Variants in SPRY3 observed in about 807,000 individuals in gnomAD.
SPRY3 encodes the protein protein sprouty homolog 3.
SPRY3 carries 15 observed loss-of-function variants against 20.2 expected under a neutral mutation model. The ratio of observed to expected loss-of-function variants is 0.74; its 90% CI spans 0.50 to 1.14. SPRY3 has a LOEUF of 1.14. Among genes scored for constraint, SPRY3 ranks in the 50% most tolerant of loss-of-function variants. The pLI is 0.00. For synonymous variants in SPRY3, 143 were observed against 136.5 expected (o/e 1.05, Z -0.33); for missense variants, 364 against 363.9 (o/e 1.00, Z 0.00).
At chrX:155,613,016 C>G (rs781956008) in intron 1 of SPRY3, 1 of 112,425 alleles carries the variant, frequency 8.9e-6, no homozygotes, top group African/African-American at 3.2e-5. Context: ...GGGACTTCGC[C>G]CGGTGCTAGG....
At chrX:155,751,932 A>G (rs2091264273) in intron 2 of SPRY3, among the ~76,000 whole-genome samples, 1 of 32,680 alleles carries the variant, frequency 3.1e-5, no homozygotes, top group Admixed American at 3.4e-4. Flanking sequence ...GGGAAATAAA[A>G]TAAAATAAAA....
intron 2 of SPRY3, among the ~76,000 whole-genome samples, chrX:155,725,028 AG>A (rs1455753419): frequency 1.3e-5 from 2 of 152,290 alleles, no homozygotes; most frequent in East Asian, 1.9e-4. Context: ...TTTAGCATGA[AG>A]GGCTGTTGAA....
At chrX:155,642,911 A>G (rs1390614499) in intron 1 of SPRY3, among the ~76,000 whole-genome samples, 4 of 111,856 alleles carry the variant, frequency 3.6e-5, no homozygotes, top group African/African-American at 6.5e-5. Context: ...TTTATCTTTG[A>G]TAATGTCCCA....
chrX:155,764,038 G>A (rs2091314763), intron 2 of SPRY3, among the ~76,000 whole-genome samples: 1 of 152,122 alleles, frequency 6.6e-6, no homozygotes, highest in Non-Finnish European at 1.5e-5. Context: ...TGTCCTTCAA[G>A]GTTACTTATT....
At chrX:155,648,517 G>A (rs1557352059) in intron 1 of SPRY3, among the ~76,000 whole-genome samples, 1 of 112,442 alleles carries the variant, frequency 8.9e-6, no homozygotes, top group Non-Finnish European at 1.9e-5. Flanking sequence ...TTCTGCATAT[G>A]GCTAGCCAGT....
chrX:155,732,427 A>G (rs2091139363), intron 2 of SPRY3, among the ~76,000 whole-genome samples: 2 of 152,064 alleles, frequency 1.3e-5, no homozygotes, highest in South Asian at 4.1e-4. Context: ...TGATCATTAG[A>G]GAAATGCAAA....
chrX:155,774,309 C>T, exon 4 of SPRY3: 3 of 1,614,040 alleles, frequency 1.9e-6, no homozygotes, highest in Non-Finnish European at 2.5e-6. Flanking sequence ...ACCTCTTCAT[C>T]TGTGAGGAAT....
chrX:155,714,464 C>A (rs775653722), intron 2 of SPRY3, among the ~76,000 whole-genome samples: 1 of 152,298 alleles, frequency 6.6e-6, no homozygotes, highest in East Asian at 1.9e-4. Flanking sequence ...GAAGAATTAT[C>A]TGTACTACCA....
At chrX:155,688,055 G>A (rs868745149) in intron 2 of SPRY3, among the ~76,000 whole-genome samples, 3 of 18,556 alleles carry the variant, frequency 1.6e-4, no homozygotes, top group African/African-American at 6.0e-4. Flanking sequence ...CCCCTCCCCC[G>A]CCCCATTGTG....
chrX:155,642,258 T>C (rs782554785), intron 1 of SPRY3, among the ~76,000 whole-genome samples: 1 of 112,068 alleles, frequency 8.9e-6, no homozygotes, highest in South Asian at 3.7e-4. Context: ...TTCTTCAAGA[T>C]TTTCCAATTT....
chrX:155,769,584 C>T (rs2091368649), intron 3 of SPRY3, among the ~76,000 whole-genome samples: 1 of 152,110 alleles, frequency 6.6e-6, no homozygotes, highest in Non-Finnish European at 1.5e-5. Context: ...CCAGCTTCTT[C>T]TTACAATTTT....
chrX:155,708,009 T>A (rs1285976379), intron 2 of SPRY3, among the ~76,000 whole-genome samples: 3 of 151,370 alleles, frequency 2.0e-5, no homozygotes, highest in Non-Finnish European at 4.4e-5. Flanking sequence ...AGCTCCTTTT[T>A]AGTTGAATAT....
chrX:155,686,876 A>G (rs1029951874), intron 2 of SPRY3, among the ~76,000 whole-genome samples: 5 of 112,110 alleles, frequency 4.5e-5, no homozygotes, highest in Non-Finnish European at 9.4e-5. Flanking sequence ...GGCTGGGAAC[A>G]TGAGAATGAA....
At chrX:155,630,740 C>T (rs2124528205) in intron 1 of SPRY3, among the ~76,000 whole-genome samples, 1 of 110,725 alleles carries the variant, frequency 9.0e-6, no homozygotes, top group South Asian at 3.8e-4. Flanking sequence ...TTTCACCTTC[C>T]TGTACCTGGA....
chrX:155,727,315 T>C (rs991514692), intron 2 of SPRY3, among the ~76,000 whole-genome samples: 7 of 152,110 alleles, frequency 4.6e-5, no homozygotes, highest in African/African-American at 1.7e-4. Flanking sequence ...ATCTTTGTGG[T>C]GTTCTCTGTA....
At chrX:155,706,857 A>G (rs954703480) in intron 2 of SPRY3, among the ~76,000 whole-genome samples, 5 of 151,030 alleles carry the variant, frequency 3.3e-5, no homozygotes, top group Non-Finnish European at 7.4e-5. Context: ...TTTTCCATAA[A>G]AGAACACCGT....
chrX:155,715,297 C>A (rs894950616), intron 2 of SPRY3, among the ~76,000 whole-genome samples: 2 of 152,060 alleles, frequency 1.3e-5, no homozygotes, highest in Non-Finnish European at 2.9e-5. Flanking sequence ...GGTGATAAAT[C>A]CTGCCAGGAC....
chrX:155,709,143 G>A (rs1453743576), intron 2 of SPRY3, among the ~76,000 whole-genome samples: 2 of 151,626 alleles, frequency 1.3e-5, no homozygotes, highest in African/African-American at 2.4e-5. Context: ...GGGTGCAGAT[G>A]TCTCTTTGAT....
At chrX:155,713,266 C>G (rs1362393198) in intron 2 of SPRY3, among the ~76,000 whole-genome samples, 1 of 151,964 alleles carries the variant, frequency 6.6e-6, no homozygotes, top group Non-Finnish European at 1.5e-5. Flanking sequence ...TTGTACTATT[C>G]TGTATTTTTC....
Sources: gnomAD v4.1 joint callset for allele counts (sites outside exome capture counted in the v4.1 genomes callset) on GRCh38, gnomAD v4.1.1 for gene constraint, MANE v1.5 for transcripts, NCBI Gene and HGNC (gene_info 2026-07-23, HGNC 2026-07-21) for gene names.